TRERF1: variants seen among roughly 807,000 people sequenced by gnomAD.
The protein encoded by TRERF1 is transcriptional-regulating factor 1.
In TRERF1, 27 loss-of-function variants were observed where a neutral mutation model predicts 122.9. The ratio of observed to expected loss-of-function variants is 0.22; its 90% CI spans 0.16 to 0.30. The LOEUF (loss-of-function observed/expected upper bound fraction) is 0.30. Among genes scored for constraint, TRERF1 ranks in the 10% least tolerant of loss-of-function variants. The probability of loss-of-function intolerance (pLI) is 1.00; values close to 1 mark genes in which losing one functional copy is unlikely to be tolerated. For missense variants in TRERF1, 1,248 were observed against 1,560.3 expected (o/e 0.80, Z 3.37); for synonymous variants, 636 against 641.7 (o/e 0.99, Z 0.13).
At chr6:42,410,441 A>G (rs1780945231) in intron 2 of TRERF1, among the ~76,000 whole-genome samples, 1 of 152,082 alleles carries the variant, frequency 6.6e-6, no homozygotes, top group South Asian at 2.1e-4. Flanking sequence ...GAGCCACTGT[A>G]CCTGATCTCA....
intron 2 of TRERF1, among the ~76,000 whole-genome samples, chr6:42,418,574 C>T (rs966126605): frequency 1.3e-5 from 2 of 151,948 alleles, no homozygotes; most frequent in African/African-American, 2.4e-5. Context: ...CCTGGCCCTG[C>T]GTTTATTTCT....
At chr6:42,431,195 A>G (rs1220866004) in intron 2 of TRERF1, among the ~76,000 whole-genome samples, 2 of 152,208 alleles carry the variant, frequency 1.3e-5, no homozygotes, top group African/African-American at 4.8e-5. Context: ...CTAAAAATGG[A>G]AAAAATTTAT....
chr6:42,434,668 C>CCACACAGACACACACACACA (rs1554218672), intron 2 of TRERF1, among the ~76,000 whole-genome samples: 19 of 114,896 alleles, frequency 1.7e-4, no homozygotes, highest in African/African-American at 4.9e-4. Flanking sequence ...ACACCCTCCA[C>CCACACAGACACACACACACA]CACACACACA....
At chr6:42,318,450 G>A (rs985459247) in intron 3 of TRERF1, among the ~76,000 whole-genome samples, 11 of 152,164 alleles carry the variant, frequency 7.2e-5, no homozygotes, top group African/African-American at 2.7e-4. Context: ...ACTTGGTGGA[G>A]GGTCATATTC....
intron 2 of TRERF1, among the ~76,000 whole-genome samples, chr6:42,447,655 G>A (rs950532292): frequency 2.6e-5 from 4 of 152,086 alleles, no homozygotes; most frequent in South Asian, 2.1e-4. Context: ...CATTTATACC[G>A]CCTGGGGTAT....
At chr6:42,243,326 G>A (rs1317198559) in exon 15 of TRERF1, 1 of 1,614,058 alleles carries the variant, frequency 6.2e-7, no homozygotes, top group Non-Finnish European at 8.5e-7. Flanking sequence ...ACGTGTAGTA[G>A]TACTCCACGC....
rs545584249 is a variant in TRERF1 at position 42,295,830 on chromosome 6, G to T, written c.-259+4808C>A. ...ACTTGCCCACTATACAAAGCCCAGAGTCACTATAAATAGCAGGCTTTGAAA... is the reference window on the plus strand; with the variant it reads ...ACTTGCCCACTATACAAAGCCCAGATTCACTATAAATAGCAGGCTTTGAAA... On this transcript the variant is annotated intron_variant, in intron 4 of 17. Transcript: ENST00000372922. Among the ~76,000 whole-genome samples the T allele has an allele frequency of 7.2e-5, 11 of 152,200 alleles. No individual in the cohort carries two copies. In the South Asian group the frequency reaches 2.3e-3, roughly 32 times the overall value.
At chr6:42,257,140 C>T (rs1422860744) in intron 10 of TRERF1, 38 bp from the exon 11 acceptor site, 1 of 1,610,562 alleles carries the variant, frequency 6.2e-7, no homozygotes, top group African/African-American at 1.3e-5. Context: ...ATGTGGTCTT[C>T]AATTTGATGG....
chr6:42,308,754 G>T (rs918016668), intron 3 of TRERF1, among the ~76,000 whole-genome samples: 1 of 152,126 alleles, frequency 6.6e-6, no homozygotes, highest in African/African-American at 2.4e-5. Context: ...TGAACACAAA[G>T]AAGGAAACAA....
chr6:42,266,236 T>G (rs1183261190), intron 5 of TRERF1, among the ~76,000 whole-genome samples: 1 of 149,496 alleles, frequency 6.7e-6, no homozygotes, highest in Non-Finnish European at 1.5e-5. Flanking sequence ...TCACCCAGGC[T>G]GTAGTGCAGT....
chr6:42,411,259 G>C (rs2151451510), intron 2 of TRERF1, among the ~76,000 whole-genome samples: 1 of 152,308 alleles, frequency 6.6e-6, no homozygotes, highest in South Asian at 2.1e-4. Flanking sequence ...TGACCACCCT[G>C]TCAGGTATAT....
intron 2 of TRERF1, among the ~76,000 whole-genome samples, chr6:42,408,218 T>TATATATAC (rs1780485596): frequency 7.5e-6 from 1 of 133,476 alleles, no homozygotes; most frequent in Non-Finnish European, 1.6e-5. Context: ...TAAATATATA[T>TATATATAC]ATATATATAT....
chr6:42,352,132 G>A (rs1480857223), intron 3 of TRERF1, among the ~76,000 whole-genome samples: 1 of 152,092 alleles, frequency 6.6e-6, no homozygotes, highest in Non-Finnish European at 1.5e-5. Flanking sequence ...AGCCTCCTGG[G>A]TAGCTGGGAC....
intron 2 of TRERF1, among the ~76,000 whole-genome samples, chr6:42,381,482 C>T (rs561324242): frequency 5.7e-4 from 87 of 152,146 alleles, no homozygotes; most frequent in African/African-American, 2.1e-3. Context: ...CACCTAACGA[C>T]TTCCTAGTAA....
chr6:42,234,297 C>T (rs1352854455), intron 16 of TRERF1, among the ~76,000 whole-genome samples: 2 of 151,606 alleles, frequency 1.3e-5, no homozygotes, highest in Non-Finnish European at 2.9e-5. Flanking sequence ...GTAGTAGTTG[C>T]TGTATTAAGT....
Position 42,247,292 on chromosome 6 carries a change from C to T in TRERF1, c.2657-748G>A, listed in dbSNP as rs181142104. Reference sequence around the variant, plus strand: ...AAGTCATGCACTTCAGTTGTTCATTCAACAGATATTTATTAGGTGTATATT... The same window carrying T: ...AAGTCATGCACTTCAGTTGTTCATTTAACAGATATTTATTAGGTGTATATT... On this transcript the variant is annotated intron_variant, in intron 13 of 17. Transcript: ENST00000372922. Among the ~76,000 whole-genome samples, 11 of 152,304 alleles carry T rather than the reference C, an allele frequency of 7.2e-5. No homozygotes were observed. In the East Asian group the frequency reaches 2.1e-3, roughly 29 times the overall value.
At chr6:42,382,719 C>A (rs1438730106) in intron 2 of TRERF1, among the ~76,000 whole-genome samples, 1 of 149,352 alleles carries the variant, frequency 6.7e-6, no homozygotes, top group Non-Finnish European at 1.5e-5. Flanking sequence ...TATTAACAAC[C>A]AGACCCCATT....
intron 3 of TRERF1, among the ~76,000 whole-genome samples, chr6:42,312,977 T>C (rs1428191852): frequency 1.3e-5 from 2 of 152,204 alleles, no homozygotes; most frequent in Non-Finnish European, 2.9e-5. Context: ...ACCCATAGCT[T>C]GCAGCCTCGA....
chr6:42,297,243 C>T (rs1785267250), intron 4 of TRERF1, among the ~76,000 whole-genome samples: 1 of 152,136 alleles, frequency 6.6e-6, no homozygotes, highest in Admixed American at 6.5e-5. Flanking sequence ...CCTTACTTGC[C>T]CCTCCTAATG....
Sources: allele counts gnomAD v4.1 joint callset (sites outside exome capture counted in the v4.1 genomes callset), GRCh38; gene constraint gnomAD v4.1.1; transcripts MANE v1.5; gene names NCBI Gene and HGNC (gene_info 2026-07-23, HGNC 2026-07-21).